MLIP: variants seen among roughly 807,000 people sequenced by gnomAD.
The protein encoded by MLIP is muscular LMNA interacting protein, also known as muscular LMNA-interacting protein.
Under a neutral mutation model 84.8 loss-of-function variants are expected in MLIP, and 79 were observed. That is an observed-to-expected ratio of 0.93 (90% CI 0.78 to 1.12). The LOEUF (loss-of-function observed/expected upper bound fraction) is 1.12, where lower values mean the gene tolerates loss of function less well. MLIP is among the 50% of genes most tolerant of loss of function. The probability of loss-of-function intolerance (pLI) is 0.00; values close to 1 mark genes in which losing one functional copy is unlikely to be tolerated. For synonymous variants in MLIP, 504 were observed against 463.0 expected (o/e 1.09, Z -1.14); for missense variants, 1,257 against 1,160.6 (o/e 1.08, Z -1.21).
chr6:54,100,761 A>G (rs961585295), intron 1 of MLIP, among the ~76,000 whole-genome samples: 13 of 152,164 alleles, frequency 8.5e-5, no homozygotes, highest in Non-Finnish European at 1.8e-4. Flanking sequence ...CTGGGGATGC[A>G]CTGGTGATCC....
At chr6:54,074,620 A>G (rs964252683) in intron 1 of MLIP, among the ~76,000 whole-genome samples, 6 of 152,150 alleles carry the variant, frequency 3.9e-5, no homozygotes, top group Non-Finnish European at 1.5e-5. Context: ...TTAACACTGG[A>G]AACTACTGCA....
At chr6:54,100,901 T>A (rs1316671903) in intron 1 of MLIP, among the ~76,000 whole-genome samples, 1 of 152,138 alleles carries the variant, frequency 6.6e-6, no homozygotes, top group East Asian at 1.9e-4. Context: ...GGATGAAAAT[T>A]ACTGAGTGTC....
chr6:54,032,593 G>A (rs995738593), intron 1 of MLIP, among the ~76,000 whole-genome samples: 11 of 152,054 alleles, frequency 7.2e-5, no homozygotes, highest in South Asian at 4.1e-4. Flanking sequence ...TTACTCTGTC[G>A]CCCAGGCTGG....
At chr6:54,113,982 A>G (rs1180846699) in intron 1 of MLIP, among the ~76,000 whole-genome samples, 1 of 152,216 alleles carries the variant, frequency 6.6e-6, no homozygotes, top group African/African-American at 2.4e-5. Flanking sequence ...CAGCCAAGCA[A>G]ATTGCCTCAC....
intron 1 of MLIP, among the ~76,000 whole-genome samples, chr6:54,081,136 G>C (rs907191690): frequency 3.9e-5 from 6 of 152,234 alleles, no homozygotes; most frequent in African/African-American, 1.4e-4. Context: ...CTCTGACACT[G>C]ATGCCTCATT....
chr6:54,238,849 G>T (rs1409572713), intron 12 of MLIP, among the ~76,000 whole-genome samples: 1 of 152,130 alleles, frequency 6.6e-6, no homozygotes, highest in Non-Finnish European at 1.5e-5. Flanking sequence ...CCAAGTTTGT[G>T]ACAGTGGAGC....
chr6:54,240,835 G>A (rs964707980), intron 12 of MLIP, among the ~76,000 whole-genome samples: 4 of 152,136 alleles, frequency 2.6e-5, no homozygotes, highest in Admixed American at 2.6e-4. Context: ...AATGAGCTGG[G>A]CGTGGTGGCA....
intron 10 of MLIP, among the ~76,000 whole-genome samples, chr6:54,197,335 G>A (rs1402638429): frequency 6.6e-6 from 1 of 151,996 alleles, no homozygotes; most frequent in Non-Finnish European, 1.5e-5. Flanking sequence ...TATTCAACAG[G>A]ATTGTGAACC....
intron 11 of MLIP, chr6:54,217,436 A>G (rs1437192100): frequency 4.1e-6 from 4 of 985,302 alleles, no homozygotes; most frequent in Admixed American, 6.2e-5. Context: ...TAGAGCACCA[A>G]ATGCATCAGA....
intron 4 of MLIP, among the ~76,000 whole-genome samples, chr6:54,139,321 T>A (rs1473112715): frequency 6.6e-6 from 1 of 152,164 alleles, no homozygotes; most frequent in Non-Finnish European, 1.5e-5. Flanking sequence ...AATCATCAAC[T>A]GAGTTCAATA....
rs1767293383 is a variant in MLIP, at chr6:54,083,488, G to C, written c.64-37959G>C. 9 of 1,534,286 alleles carry C rather than the reference G, an allele frequency of 5.9e-6. No homozygotes were observed. The South Asian group carries it at 7.2e-5, about 12-fold the overall frequency. ...CAATATCAGCAGCTGACACAGGCAA[G>C]TGTTTGTCAATGAGTTCTATTGGCT... On this transcript the variant is annotated intron_variant, in intron 1 of 12. Coordinates refer to the MLIP transcript ENST00000274897.
intron 10 of MLIP, 54 bp from the exon 11 acceptor site, chr6:54,202,051 A>G: frequency 1.5e-6 from 2 of 1,291,246 alleles, no homozygotes; most frequent in Non-Finnish European, 2.1e-6. Flanking sequence ...ATATTTGTTC[A>G]TTTTAATAGT....
chr6:54,197,020 A>G (rs1340665), intron 10 of MLIP, among the ~76,000 whole-genome samples: 12,755 of 152,136 alleles, frequency 0.084, 671 homozygotes, highest in East Asian at 0.21. Context: ...ACAAACTCCT[A>G]GAGGAGGCAG....
chr6:54,165,509 C>T (rs1278776655), intron 8 of MLIP, among the ~76,000 whole-genome samples: 2 of 151,942 alleles, frequency 1.3e-5, no homozygotes, highest in Non-Finnish European at 2.9e-5. Context: ...CCATTGATCT[C>T]CTTATCTCTG....
intron 1 of MLIP, among the ~76,000 whole-genome samples, chr6:54,060,374 TA>T (rs1300748430): frequency 6.6e-6 from 1 of 152,240 alleles, no homozygotes; most frequent in Non-Finnish European, 1.5e-5. Context: ...GTAGAGAAGT[TA>T]TTCACCTATG....
intron 3 of MLIP, among the ~76,000 whole-genome samples, chr6:54,134,492 G>C (rs1321145348): frequency 3.3e-5 from 5 of 151,680 alleles, no homozygotes; most frequent in Admixed American, 2.6e-4. Context: ...TATAAACATG[G>C]TAAACATCTT....
chr6:54,023,096 G>A (rs1763591524), intron 1 of MLIP, among the ~76,000 whole-genome samples: 1 of 151,908 alleles, frequency 6.6e-6, no homozygotes, highest in Non-Finnish European at 1.5e-5. Context: ...GAACCCGGGA[G>A]GCAGAGCTTG....
intron 12 of MLIP, among the ~76,000 whole-genome samples, chr6:54,251,673 T>C (rs1316797242): frequency 9.3e-6 from 1 of 107,590 alleles, no homozygotes; most frequent in Non-Finnish European, 1.6e-5. Flanking sequence ...ATATATATTA[T>C]AACATATAAT....
chr6:54,231,125 A>G (rs536425552), intron 12 of MLIP, among the ~76,000 whole-genome samples: 10 of 152,270 alleles, frequency 6.6e-5, no homozygotes, highest in African/African-American at 2.4e-4. Context: ...AAACATTTAT[A>G]TATTTTTCCA....
Sources: gnomAD v4.1 joint callset for allele counts (sites outside exome capture counted in the v4.1 genomes callset) on GRCh38, gnomAD v4.1.1 for gene constraint, MANE v1.5 for transcripts, NCBI Gene and HGNC (gene_info 2026-07-23, HGNC 2026-07-21) for gene names.